ZBTB7A: variants seen among roughly 807,000 people sequenced by gnomAD.
The protein encoded by ZBTB7A is zinc finger and BTB domain containing 7A.
A neutral mutation model predicts 26.7 loss-of-function variants in ZBTB7A; 7 were observed. That is an observed-to-expected ratio of 0.26 (90% CI 0.15 to 0.49). ZBTB7A has a LOEUF of 0.49. Among genes scored for constraint, ZBTB7A ranks in the 20% least tolerant of loss-of-function variants. The pLI, the probability that ZBTB7A is intolerant of heterozygous loss-of-function variation, is 0.98. For missense variants in ZBTB7A, 617 were observed against 919.5 expected, an observed-to-expected ratio of 0.67 and a Z score of 4.25; for synonymous variants, 452 against 441.0, an observed-to-expected ratio of 1.02 and a Z score of -0.31.
chr19:4,043,841 A>T lies in ZBTB7A; in HGVS notation c.*3911T>A, dbSNP rs374802357. Reference sequence around the variant, plus strand: ...CTGACCCGTCCTGCGCCAGCCACCCACCACCCCCCCCCCCCCACCTCCAGG... The same window carrying T: ...CTGACCCGTCCTGCGCCAGCCACCCTCCACCCCCCCCCCCCCACCTCCAGG... On this transcript the variant is annotated 3_prime_UTR_variant, in exon 3 of 3. Coordinates refer to ENST00000322357, the MANE Select transcript of ZBTB7A (RefSeq NM_015898.4). Among the ~76,000 whole-genome samples, 1 of 14,518 alleles carries T rather than the reference A, an allele frequency of 6.9e-5. No homozygotes were observed. The highest frequency in any genetic ancestry group is 1.5e-4 in the Non-Finnish European group (1 of 6,604). 9.5% of individuals were successfully genotyped at this position (14,518 alleles called of 152,430 possible).
At chr19:4,065,111 C>A (rs186343831) in intron 1 of ZBTB7A, among the ~76,000 whole-genome samples, 46 of 151,840 alleles carry the variant, frequency 3.0e-4, no homozygotes, top group Non-Finnish European at 6.0e-4. Context: ...CCAGCTCCCC[C>A]CTCCCCTGCC....
At chr19:4,066,245 T>G (rs1038567285) in intron 1 of ZBTB7A, among the ~76,000 whole-genome samples, 8 of 132,460 alleles carry the variant, frequency 6.0e-5, no homozygotes, top group African/African-American at 1.7e-4. Context: ...CTCCAACGTA[T>G]GCACGCAGCA....
rs989926102 is a variant in ZBTB7A, at chr19:4,045,764, C to T, written c.*1988G>A. 2.5e-6 allele frequency: 1 copy of T among 397,498 alleles called. No individual in the cohort carries two copies. Among genetic ancestry groups the T allele is most frequent in the African/African-American group, 2.1e-5 (1 of 48,624 alleles). The allele number at this position is 397,498 out of a possible 1,614,324, so 24.6% of individuals were successfully genotyped here. A position where few individuals can be genotyped will look rare whatever the true frequency, so the allele number is the denominator to read the frequency against. On this transcript the variant is annotated 3_prime_UTR_variant, in exon 3 of 3. Coordinates refer to ENST00000322357, the MANE Select transcript of ZBTB7A (RefSeq NM_015898.4). This position sits in a 1 kb window ranked among gnomAD's most constrained non-coding sequence, Gnocchi z 4.1. The stretch of plus-strand genomic sequence containing the variant: ...GCGTCCTGGCATCTGGCGACATAGT[C>T]TCCCCAACCCCGGCCCCTGTCCGTG...
chr19:4,047,370 C>T lies in ZBTB7A; in HGVS notation c.*382G>A, dbSNP rs1370347853. 1.3e-5 allele frequency: 2 copies of T among 153,114 alleles called. No individual in the cohort carries two copies. The highest frequency in any genetic ancestry group is 2.4e-5 in the African/African-American group (1 of 41,586). 9.5% of individuals were successfully genotyped at this position (153,114 alleles called of 1,614,324 possible). ...AGCGCCCCCACGTCTACCCTCCCCC[C>T]AGCCCAGGGCCTCGGATCGGGCCCC... On this transcript the variant is annotated 3_prime_UTR_variant, in exon 3 of 3. Transcript: ENST00000322357.
rs1189915222 is a variant in ZBTB7A, at chr19:4,043,532, T to C, written c.*4220A>G. 6.6e-6 allele frequency among the ~76,000 whole-genome samples: 1 copy of C among 151,762 alleles called. No homozygotes were observed. Among genetic ancestry groups the C allele is most frequent in the Non-Finnish European group, 1.5e-5 (1 of 67,922 alleles). Reference sequence around the variant, plus strand: ...CTGGAATGTCTATCTGTCTGTGCTCTGTACCCTGAGGGCGCCGCCCCGCCC... The same window carrying C: ...CTGGAATGTCTATCTGTCTGTGCTCCGTACCCTGAGGGCGCCGCCCCGCCC... On this transcript the variant is annotated 3_prime_UTR_variant, in exon 3 of 3. Coordinates refer to ENST00000322357, the MANE Select transcript of ZBTB7A (RefSeq NM_015898.4).
chr19:4,051,273 C>G (rs1185170699), intron 2 of ZBTB7A, among the ~76,000 whole-genome samples: 1 of 152,046 alleles, frequency 6.6e-6, no homozygotes, highest in Admixed American at 6.6e-5. Context: ...CTGTTGTGCC[C>G]CACATCTGAG....
Position 4,044,966 on chromosome 19 carries a change from G to A in ZBTB7A, c.*2786C>T, listed in dbSNP as rs1448889353. The stretch of plus-strand genomic sequence containing the variant: ...ATGTGATTGCGCGGAGTCTGGGGAG[G>A]GCGGGGCTGGGCTGGGGGGGTCCCG... On this transcript the variant is annotated 3_prime_UTR_variant, in exon 3 of 3. Coordinates refer to ENST00000322357, the MANE Select transcript of ZBTB7A (RefSeq NM_015898.4). The A allele has an allele frequency of 6.6e-6, 1 of 152,172 alleles. No individual in the cohort carries two copies. Among genetic ancestry groups the A allele is most frequent in the Non-Finnish European group, 1.5e-5 (1 of 68,036 alleles). The allele number at this position is 152,172 out of a possible 1,614,324, so 9.4% of individuals were successfully genotyped here.
intron 1 of ZBTB7A, among the ~76,000 whole-genome samples, chr19:4,058,655 C>CGTGGCCTCCTCCG (rs1465174042): frequency 7.8e-5 from 1 of 12,830 alleles, no homozygotes; most frequent in Admixed American, 8.0e-4. Flanking sequence ...CTGGGCCTTT[C>CGTGGCCTCCTCCG]ATGGCCTCCT....
intron 1 of ZBTB7A, among the ~76,000 whole-genome samples, chr19:4,064,405 C>T (rs1234067051): frequency 6.6e-6 from 1 of 152,224 alleles, no homozygotes; most frequent in Non-Finnish European, 1.5e-5. Context: ...GATAGGTGCT[C>T]TCGGGGCCCC....
intron 1 of ZBTB7A, chr19:4,061,850 C>G (rs574719201): frequency 6.6e-6 from 1 of 152,250 alleles, no homozygotes; most frequent in Non-Finnish European, 1.5e-5. Flanking sequence ...GACTACAGCC[C>G]GAGCCCAGGT....
In ZBTB7A at chr19:4,052,625, G is replaced by A. The variant is rs954402133; in HGVS notation, c.1262+1346C>T. Among the ~76,000 whole-genome samples, 12 of 152,018 alleles carry A rather than the reference G, an allele frequency of 7.9e-5. No homozygotes were observed. The highest frequency in any genetic ancestry group is 2.7e-4 in the African/African-American group (11 of 41,420). On this transcript the variant is annotated intron_variant, in intron 2 of 2. Coordinates refer to ENST00000322357, the MANE Select transcript of ZBTB7A (RefSeq NM_015898.4). The surrounding 1 kb of genome is among the most constrained non-coding windows in gnomAD (Gnocchi z 4.9). ...GGCTGGGGGAACCCCAGGGCGGGCG[G>A]GGGGCAGGGGGTGGTGCTGAGTCAC...
chr19:4,049,168 G>GTATATATA lies in ZBTB7A; in HGVS notation c.1263-932_1263-925dup, dbSNP rs1181215162. Among the ~76,000 whole-genome samples the GTATATATA allele has an allele frequency of 5.4e-3, 80 of 14,914 alleles. 2 individuals carry two copies. Among genetic ancestry groups the GTATATATA allele is most frequent in the Non-Finnish European group, 6.8e-3 (59 of 8,656 alleles). 9.8% of individuals were successfully genotyped at this position (14,914 alleles called of 152,430 possible). On this transcript the variant is annotated intron_variant, in intron 2 of 2. Transcript: ENST00000322357. ...ACTATATGTGTGTGTGTGTGTGTGTGTATATATATATATATATATATATAT... is the reference window on the plus strand; with the variant it reads ...ACTATATGTGTGTGTGTGTGTGTGTGTATATATATATATATATATATATATATATATAT...
chr19:4,049,168 G>GTGTATATATATA (rs1403864466), intron 2 of ZBTB7A, among the ~76,000 whole-genome samples: 9 of 14,954 alleles, frequency 6.0e-4, no homozygotes, highest in South Asian at 3.1e-3. Context: ...GTGTGTGTGT[G>GTGTATATATATA]TATATATATA....
In ZBTB7A at chr19:4,046,039, T is replaced by A; in HGVS notation, c.*1713A>T. On this transcript the variant is annotated 3_prime_UTR_variant, in exon 3 of 3. Coordinates refer to ENST00000322357, the MANE Select transcript of ZBTB7A (RefSeq NM_015898.4). ...ACAGGCGTGTTGGGGGATTGGGGGG[T>A]GCCGGATGGGGATCGGGGTGCTCCG... 2.5e-6 allele frequency: 1 copy of A among 396,364 alleles called. No homozygotes were observed. Among genetic ancestry groups the A allele is most frequent in the Non-Finnish European group, 4.4e-6 (1 of 225,460 alleles). 24.6% of individuals were successfully genotyped at this position (396,364 alleles called of 1,614,324 possible).
At chr19:4,051,246 C>G in intron 2 of ZBTB7A, among the ~76,000 whole-genome samples, 1 of 152,036 alleles carries the variant, frequency 6.6e-6, no homozygotes. Context: ...AGAACCTGAC[C>G]TACTCCTTGC....
intron 1 of ZBTB7A, among the ~76,000 whole-genome samples, chr19:4,057,546 T>G (rs1381750262): frequency 6.6e-6 from 1 of 151,712 alleles, no homozygotes; most frequent in Non-Finnish European, 1.5e-5. Context: ...TCCCAGCACT[T>G]TGAGAGGCCA....
Position 4,053,957 on chromosome 19 carries a change from G to A in ZBTB7A, c.1262+14C>T, listed in dbSNP as rs1455041242. On this transcript the variant is annotated intron_variant, in intron 2 of 2. Transcript: ENST00000322357. ...GAGAGCAGGACGGCGCCTCCCCCGC[G>A]GCGGGCAGCTCACCTGGTGAAGCGG... 6.3e-6 allele frequency: 10 copies of A among 1,581,634 alleles called. No homozygotes were observed. Among genetic ancestry groups the A allele is most frequent in the East Asian group, 2.2e-5 (1 of 44,624 alleles).
At chr19:4,058,650 C>A (rs1489183205) in intron 1 of ZBTB7A, among the ~76,000 whole-genome samples, 1 of 152,232 alleles carries the variant, frequency 6.6e-6, no homozygotes, top group Non-Finnish European at 1.5e-5. Flanking sequence ...CTGAGCTGGG[C>A]CTTTCATGGC....
chr19:4,056,063 G>A (rs1036948602), intron 1 of ZBTB7A, among the ~76,000 whole-genome samples: 1 of 151,316 alleles, frequency 6.6e-6, no homozygotes, highest in African/African-American at 2.4e-5. Flanking sequence ...ATGGTCAGAT[G>A]TCCTGCCTCC....
Sources: allele counts gnomAD v4.1 joint callset (sites outside exome capture counted in the v4.1 genomes callset), GRCh38; gene constraint gnomAD v4.1.1; non-coding constraint Gnocchi (gnomAD v3.1); transcripts MANE v1.5; gene names NCBI Gene and HGNC (gene_info 2026-07-23, HGNC 2026-07-21).